The following CD44 variants were observed in gnomAD, a reference collection of about 807,000 sequenced individuals.
CD44 encodes CD44 antigen.
A neutral mutation model predicts 88.8 loss-of-function variants in CD44; 49 were observed. The observed-to-expected ratio is 0.55, with a 90% CI of 0.44 to 0.70. The LOEUF is 0.70. Ranked by LOEUF, CD44 falls within the 30% of genes least tolerant of loss-of-function variation. CD44 has a pLI of 0.00. For missense variants in CD44, 883 were observed against 913.8 expected (o/e 0.97, Z 0.43); for synonymous variants, 325 against 312.3 (o/e 1.04, Z -0.43).
rs757844332 is a variant in CD44, at chr11:35,189,963, A to G, written c.565A>G (p.Thr189Ala). ...SSGSSSERSS[T>A]SGGYIFYTFS... ...CGGCTCCTCCAGTGAAAGGAGCAGC[A>G]CTTCAGGAGGTTACATCTTTTACAC... The change falls in exon 5 of 18, where the codon ACT (threonine) becomes GCT (alanine). Residue 189 changes from threonine (T) to alanine (A), a missense_variant. Thr to Ala is a moderately conservative substitution (Grantham distance 58). Around this residue, in one of 2 missense-constraint regions of CD44, gnomAD observed 252 missense variants for 322.9 expected, o/e 0.78. Coordinates refer to ENST00000428726, the MANE Select transcript of CD44 (RefSeq NM_000610.4). The G allele has an allele frequency of 1.9e-6, 3 of 1,614,180 alleles. No homozygotes were observed. Among genetic ancestry groups the G allele is most frequent in the South Asian group, 1.1e-5 (1 of 91,084 alleles).
At chr11:35,204,941 G>C (rs565629200) in intron 10 of CD44, 2 of 271,902 alleles carry the variant, frequency 7.4e-6, no homozygotes, top group South Asian at 9.1e-5. Flanking sequence ...CAGAGGCCCT[G>C]ATAAAATATC....
intron 1 of CD44, among the ~76,000 whole-genome samples, chr11:35,168,985 C>A (rs138120866): frequency 6.6e-6 from 1 of 152,254 alleles, no homozygotes; most frequent in Non-Finnish European, 1.5e-5. Flanking sequence ...GGGAAAACAG[C>A]AAATGTTCAC....
At chr11:35,152,638 GC>G (rs1391699533) in intron 1 of CD44, among the ~76,000 whole-genome samples, 4 of 152,122 alleles carry the variant, frequency 2.6e-5, no homozygotes, top group Non-Finnish European at 4.4e-5. Flanking sequence ...GATAACTTTC[GC>G]CTCTATCTAT....
chr11:35,201,748 C>G lies in CD44; in HGVS notation c.1114C>G (p.His372Asp). The G allele has an allele frequency of 6.2e-7, 1 of 1,613,656 alleles. No individual in the cohort carries two copies. Among genetic ancestry groups the G allele is most frequent in the South Asian group, 1.1e-5 (1 of 91,076 alleles). The stretch of plus-strand genomic sequence containing the variant: ...ACACCCTCCCCTCATTCACCATGAG[C>G]ATCATGAGGAAGAAGAGACCCCACA... The part of the protein sequence containing the change: ...EAHPPLIHHE[H>D]HEEEETPHST... Residue 372 changes from histidine to aspartate, a missense_variant, in exon 9 of 18, where the codon CAT becomes GAT. By Grantham distance (81) the His-to-Asp change is moderately conservative (BLOSUM62 -1). Around this residue, in one of 2 missense-constraint regions of CD44, gnomAD observed 631 missense variants for 590.9 expected, o/e 1.07. Transcript: ENST00000428726.
intron 17 of CD44, among the ~76,000 whole-genome samples, chr11:35,227,182 G>C (rs957722933): frequency 3.3e-5 from 5 of 151,596 alleles, no homozygotes; most frequent in African/African-American, 7.3e-5. Context: ...GAGCCATTGT[G>C]CCTGGTCTCT....
rs531583560 is a variant in CD44 at position 35,144,538 on chromosome 11, C to T, written c.67+5168C>T. Among the ~76,000 whole-genome samples the T allele has an allele frequency of 1.1e-4, 17 of 152,276 alleles. No individual in the cohort carries two copies. The East Asian group carries it at 2.9e-3, about 26-fold the overall frequency. On this transcript the variant is annotated intron_variant, in intron 1 of 17. Coordinates refer to ENST00000428726, the MANE Select transcript of CD44 (RefSeq NM_000610.4). Reference sequence around the variant, plus strand: ...TGAATCCCACTTTTCACTCACTTAGCAGGTTGAATTTTTTTTAAGTGTACC... The same window carrying T: ...TGAATCCCACTTTTCACTCACTTAGTAGGTTGAATTTTTTTTAAGTGTACC...
intron 1 of CD44, among the ~76,000 whole-genome samples, chr11:35,146,177 G>A (rs993977971): frequency 1.3e-4 from 20 of 152,202 alleles, no homozygotes; most frequent in Non-Finnish European, 2.4e-4. Flanking sequence ...GCAAGTGTGG[G>A]CAGACAGATC....
chr11:35,188,684 T>A (rs932860703), intron 4 of CD44, among the ~76,000 whole-genome samples: 15 of 152,134 alleles, frequency 9.9e-5, no homozygotes, highest in African/African-American at 3.6e-4. Context: ...ACTCCTGTAA[T>A]CTCAGCACTT....
chr11:35,139,278 C>G lies in CD44; in HGVS notation c.-26C>G. 2 of 1,549,852 alleles carry G rather than the reference C, an allele frequency of 1.3e-6. No individual in the cohort carries two copies. The highest frequency in any genetic ancestry group is 2.0e-5 in the Admixed American group (1 of 51,148). The stretch of plus-strand genomic sequence containing the variant: ...CAGGGATCCTCCAGCTCCTTTCGCC[C>G]GCGCCCTCCGTTCGCTCCGGACACC... On this transcript the variant is annotated 5_prime_UTR_variant, in exon 1 of 18. Transcript: ENST00000428726.
intron 16 of CD44, 50 bp from the exon 17 acceptor site, chr11:35,221,604 C>T: frequency 6.6e-7 from 1 of 1,520,764 alleles, no homozygotes; most frequent in Middle Eastern, 1.7e-4. Context: ...TTTGTTTTTA[C>T]AAAGTGTGTC....
chr11:35,223,129 C>T, intron 17 of CD44: 1 of 985,284 alleles, frequency 1.0e-6, no homozygotes, highest in Non-Finnish European at 1.2e-6. Flanking sequence ...AGTAGTTATG[C>T]TACCTGATTG....
intron 1 of CD44, among the ~76,000 whole-genome samples, chr11:35,157,030 T>C (rs773350146): frequency 6.6e-6 from 1 of 152,148 alleles, no homozygotes; most frequent in Non-Finnish European, 1.5e-5. Flanking sequence ...CCAGACCCTG[T>C]CTCTATTAAA....
intron 1 of CD44, among the ~76,000 whole-genome samples, chr11:35,166,548 G>T (rs765725505): frequency 6.6e-6 from 1 of 152,166 alleles, no homozygotes; most frequent in African/African-American, 2.4e-5. Context: ...AAGGGCCAGG[G>T]TAACAGCTAG....
chr11:35,206,088 A>G, intron 10 of CD44, 24 bp from the exon 11 acceptor site: 1 of 1,583,508 alleles, frequency 6.3e-7, no homozygotes, highest in Non-Finnish European at 8.6e-7. Flanking sequence ...CACTTTGACA[A>G]TTGCTCAAAC....
chr11:35,204,129 T>A (rs1434473445), intron 9 of CD44, among the ~76,000 whole-genome samples: 1 of 152,176 alleles, frequency 6.6e-6, no homozygotes, highest in Non-Finnish European at 1.5e-5. Context: ...AGTGTTTTCC[T>A]TTCGTCAAAA....
At chr11:35,139,396 G>A (rs1241790597) in intron 1 of CD44, 26 bp downstream of exon 1, 2 of 1,551,376 alleles carry the variant, frequency 1.3e-6, no homozygotes, top group Middle Eastern at 1.7e-4. Flanking sequence ...AGCCTGGGCA[G>A]CAAGATGGGT....
At chr11:35,189,424 T>C (rs1946047919) in intron 4 of CD44, among the ~76,000 whole-genome samples, 1 of 152,272 alleles carries the variant, frequency 6.6e-6, no homozygotes, top group Admixed American at 6.5e-5. Flanking sequence ...ATTTTATATG[T>C]ACTTCAGAAG....
chr11:35,178,203 T>A (rs1208831167), intron 2 of CD44, among the ~76,000 whole-genome samples: 1 of 152,242 alleles, frequency 6.6e-6, no homozygotes, highest in Non-Finnish European at 1.5e-5. Context: ...TTTAGTAAGC[T>A]GAACTTTGAT....
intron 1 of CD44, among the ~76,000 whole-genome samples, chr11:35,148,161 C>A (rs1455331571): frequency 6.6e-6 from 1 of 152,114 alleles, no homozygotes; most frequent in Non-Finnish European, 1.5e-5. Context: ...CTGCGTTTGG[C>A]TTAGAAGGGC....
Sources: gnomAD v4.1 joint callset for allele counts (sites outside exome capture counted in the v4.1 genomes callset) on GRCh38, gnomAD v4.1.1 for gene constraint, gnomAD v4.1.1 regional missense constraint, MANE v1.5 for transcripts, NCBI Gene and HGNC (gene_info 2026-07-23, HGNC 2026-07-21) for gene names.